The following PDE12 variants were observed in gnomAD, a reference collection of about 807,000 sequenced individuals.
The protein encoded by PDE12 is phosphodiesterase 12.
A neutral mutation model predicts 45.4 loss-of-function variants in PDE12; 26 were observed. That is an observed-to-expected ratio of 0.57 (90% CI 0.42 to 0.79). The LOEUF (loss-of-function observed/expected upper bound fraction) is 0.79. Among genes scored for constraint, PDE12 ranks in the 30% least tolerant of loss-of-function variants. The pLI is 0.00. For synonymous variants in PDE12, 283 were observed against 323.9 expected (o/e 0.87, Z 1.36); for missense variants, 668 against 790.0 (o/e 0.85, Z 1.85).
At position 57,562,241 on chromosome 3, in the gene PDE12, C is replaced by T. The variant is rs1052608271; in HGVS notation, c.*2237C>T. 7 of 383,258 alleles carry T rather than the reference C, an allele frequency of 1.8e-5. No individual in the cohort carries two copies. Among genetic ancestry groups the T allele is most frequent in the African/African-American group, 1.5e-4 (7 of 45,568 alleles). 23.7% of individuals were successfully genotyped at this position (383,258 alleles called of 1,614,324 possible). A position where few individuals can be genotyped will look rare whatever the true frequency, so the allele number is the denominator to read the frequency against. ...CCACATTAACACTGGCTAGATTAAA[C>T]TCTAGTCAGAAAAACTCAGCACTTA... On this transcript the variant is annotated 3_prime_UTR_variant, in exon 3 of 3. Transcript: ENST00000311180.
chr3:57,618,104 TG>T, the PDE12 span, among the ~76,000 whole-genome samples: 1 of 152,010 alleles, frequency 6.6e-6, no homozygotes, highest in East Asian at 1.9e-4. Flanking sequence ...GACACAAAGA[TG>T]GGAACAATAA....
At chr3:57,583,871 G>A in the PDE12 span, 1 of 1,478,012 alleles carries the variant, frequency 6.8e-7, no homozygotes, top group Non-Finnish European at 9.3e-7. Flanking sequence ...ACAAAGAAAA[G>A]TTATAAAAAC....
At chr3:57,559,436 T>A in intron 2 of PDE12, 48 bp downstream of exon 2, 1 of 1,547,132 alleles carries the variant, frequency 6.5e-7, no homozygotes, top group Non-Finnish European at 8.8e-7. Context: ...CTTAAAGTTG[T>A]TTAAAGTGTT....
chr3:57,649,310 CCTCA>C, the PDE12 span, among the ~76,000 whole-genome samples: 24 of 151,994 alleles, frequency 1.6e-4, no homozygotes, highest in African/African-American at 5.3e-4. Context: ...TGCACTAGTA[CCTCA>C]CTCCTGCAAG....
At chr3:57,620,176 C>T in the PDE12 span, among the ~76,000 whole-genome samples, 1 of 152,014 alleles carries the variant, frequency 6.6e-6, no homozygotes. Context: ...GAGCTGAGAT[C>T]GTGCCACTGC....
the PDE12 span, among the ~76,000 whole-genome samples, chr3:57,625,078 A>AT: frequency 6.6e-6 from 1 of 151,860 alleles, no homozygotes; most frequent in Non-Finnish European, 1.5e-5. Context: ...TAATTTTTTG[A>AT]TTTTTTGTAG....
chr3:57,647,593 G>A, the PDE12 span, among the ~76,000 whole-genome samples: 1 of 152,184 alleles, frequency 6.6e-6, no homozygotes, highest in Admixed American at 6.5e-5. Context: ...CTGATGAGTA[G>A]CATCAAAGAC....
chr3:57,577,695 A>G, the PDE12 span, among the ~76,000 whole-genome samples: 1 of 152,124 alleles, frequency 6.6e-6, no homozygotes, highest in African/African-American at 2.4e-5. Context: ...TGCAGGTACC[A>G]AAATAGCCAC....
the PDE12 span, among the ~76,000 whole-genome samples, chr3:57,652,317 A>T: frequency 1.3e-5 from 2 of 152,184 alleles, no homozygotes; most frequent in Non-Finnish European, 2.9e-5. Context: ...AGAAGTCCAT[A>T]AGGCTAGGGC....
At chr3:57,573,058 C>T in the PDE12 span, among the ~76,000 whole-genome samples, 3 of 151,700 alleles carry the variant, frequency 2.0e-5, no homozygotes, top group South Asian at 2.1e-4. Context: ...AAAAATTAGC[C>T]GGGCGTGGTG....
At chr3:57,597,398 G>A in the PDE12 span, 2 of 333,110 alleles carry the variant, frequency 6.0e-6, no homozygotes, top group South Asian at 7.6e-5. Context: ...ACGTCACGCG[G>A]CGGCCGCGGC....
At chr3:57,597,281 G>A in the PDE12 span, 1 of 767,058 alleles carries the variant, frequency 1.3e-6, no homozygotes. Context: ...AAACGTCTCA[G>A]TGGCCCCTGT....
chr3:57,646,172 C>G, the PDE12 span: 1 of 1,189,668 alleles, frequency 8.4e-7, no homozygotes, highest in Non-Finnish European at 1.2e-6. Flanking sequence ...TAAGCATTAC[C>G]TTCTGATAGG....
the PDE12 span, chr3:57,646,307 T>C: frequency 3.8e-6 from 6 of 1,598,576 alleles, no homozygotes; most frequent in African/African-American, 2.7e-5. Flanking sequence ...AGTAACCAAA[T>C]AGACTCACTT....
Position 57,557,600 on chromosome 3 carries a change from C to T in PDE12, c.1221C>T (p.Ser407=), listed in dbSNP as rs1559776977. The T allele has an allele frequency of 1.2e-6, 2 of 1,614,072 alleles. No individual in the cohort carries two copies. The highest frequency in any genetic ancestry group is 8.5e-7 in the Non-Finnish European group (1 of 1,180,026). Residue 407 remains serine, a synonymous_variant, in exon 1 of 3, where the codon TCC becomes TCT. Coordinates refer to ENST00000311180, the MANE Select transcript of PDE12 (RefSeq NM_177966.7). ...TTTCATTCTACGAAGCCCTCGAGTCCGACCCACTTCACAAAGAACTGCTGG... is the reference window on the plus strand; with the variant it reads ...TTTCATTCTACGAAGCCCTCGAGTCTGACCCACTTCACAAAGAACTGCTGG... ...HDISFYEALE[S]DPLHKELLEK... is the part of the protein sequence containing the mutation.
chr3:57,654,880 A>C, the PDE12 span: 3 of 770,282 alleles, frequency 3.9e-6, no homozygotes, highest in Non-Finnish European at 4.7e-6. Flanking sequence ...TTTCATTCAC[A>C]CTAATAAACG....
At chr3:57,624,468 C>CT in the PDE12 span, among the ~76,000 whole-genome samples, 99 of 151,862 alleles carry the variant, frequency 6.5e-4, no homozygotes, top group Non-Finnish European at 3.7e-4. Context: ...TTTTAAAAAA[C>CT]TTTTTTTAGA....
downstream of PDE12, among the ~76,000 whole-genome samples, chr3:57,568,578 C>T (rs1307110495): frequency 2.7e-5 from 4 of 150,738 alleles, no homozygotes; most frequent in Non-Finnish European, 5.9e-5. Flanking sequence ...ACAAAAGATA[C>T]ACTTCTTTTT....
chr3:57,643,616 T>G, the PDE12 span, among the ~76,000 whole-genome samples: 1,073 of 151,484 alleles, frequency 7.1e-3, 8 homozygotes, highest in South Asian at 0.01. Context: ...TCACTTGAGG[T>G]CAGGAGTTCG....
Sources: gnomAD v4.1 joint callset for allele counts (sites outside exome capture counted in the v4.1 genomes callset) on GRCh38, gnomAD v4.1.1 for gene constraint, MANE v1.5 for transcripts, NCBI Gene and HGNC (gene_info 2026-07-23, HGNC 2026-07-21) for gene names.